KIAA1549L: variants seen among roughly 807,000 people sequenced by gnomAD.
KIAA1549L encodes the protein KIAA1549 like.
A neutral mutation model predicts 160.7 loss-of-function variants in KIAA1549L; 88 were observed. That is an observed-to-expected ratio of 0.55 (90% CI 0.46 to 0.65). The LOEUF (loss-of-function observed/expected upper bound fraction) is 0.65. KIAA1549L is among the 30% of genes least tolerant of loss of function. The probability of loss-of-function intolerance (pLI) is 0.00; values close to 1 mark genes in which losing one functional copy is unlikely to be tolerated. For synonymous variants in KIAA1549L, 950 were observed against 976.7 expected (o/e 0.97, Z 0.51); for missense variants, 2,258 against 2,437.5 (o/e 0.93, Z 1.55).
chr11:33,430,045 T>TCCTTCCTTCCTCCCTC (rs538132465), intron 1 of KIAA1549L, among the ~76,000 whole-genome samples: 18 of 129,000 alleles, frequency 1.4e-4, no homozygotes, highest in African/African-American at 3.6e-4. Context: ...CTTCCTTCCT[T>TCCTTCCTTCCTCCCTC]CCTCCCTTCC....
rs1850280876 is a variant in KIAA1549L, at chr11:33,598,892, C to T, written c.4824C>T (p.Pro1608=). ...AGCCCAGCTCAGGGAGACGCTCACC[C>T]CAGAATGTAATGGCACAGCAGAAAG... is the stretch of plus-strand genomic sequence containing the variant. The part of the protein sequence containing the change: ...SGKPSSGRRS[P]QNVMAQQKVT... Residue 1608 remains proline (P), a synonymous_variant, in exon 13 of 21, where the codon CCC becomes CCT. Transcript: ENST00000658780. 2.5e-6 allele frequency: 4 copies of T among 1,613,866 alleles called. No homozygotes were observed. In the East Asian group the frequency reaches 8.9e-5, roughly 36 times the overall value.
rs1470251957 is a variant in KIAA1549L at position 33,530,432 on chromosome 11, AAAAAATATATATATAT to A, written c.239-11368_239-11353del. 6.6e-3 allele frequency among the ~76,000 whole-genome samples: 68 copies of A among 10,308 alleles called. 1 individual carries two copies. Among genetic ancestry groups the A allele is most frequent in the East Asian group, 0.043 (21 of 486 alleles). 6.8% of individuals were successfully genotyped at this position (10,308 alleles called of 152,430 possible). A position where few individuals can be genotyped will look rare whatever the true frequency, so the allele number is the denominator to read the frequency against. ...GAAGAAGGAAAAAAAAAAAAAAAAA[AAAAAATATATATATAT>A]ATATATATATATATATATATATATA... On this transcript the variant is annotated intron_variant, in intron 1 of 20. Transcript: ENST00000658780.
chr11:33,673,612 A>G lies in KIAA1549L; in HGVS notation c.*5458A>G, dbSNP rs773577107. ...ATTTTGAGGAGCACATGCATAATGT[A>G]TCTGAAAATGGCTTGACAAGCACTT... On this transcript the variant is annotated 3_prime_UTR_variant, in exon 21 of 21. Coordinates refer to ENST00000658780, the MANE Select transcript of KIAA1549L (RefSeq NM_012194.3). 2 of 152,230 alleles carry G rather than the reference A, an allele frequency of 1.3e-5. No homozygotes were observed. The highest frequency in any genetic ancestry group is 2.4e-5 in the African/African-American group (1 of 41,456). The allele number at this position is 152,230 out of a possible 1,614,324, so 9.4% of individuals were successfully genotyped here. A position where few individuals can be genotyped will look rare whatever the true frequency, so the allele number is the denominator to read the frequency against.
chr11:33,379,899 T>C (rs1418318918), intron 1 of KIAA1549L, among the ~76,000 whole-genome samples: 7 of 152,086 alleles, frequency 4.6e-5, no homozygotes, highest in Admixed American at 4.6e-4. Context: ...GATACAGAGG[T>C]GAATAAGGAC....
intron 11 of KIAA1549L, among the ~76,000 whole-genome samples, chr11:33,587,097 A>C (rs1849906255): frequency 6.6e-6 from 1 of 152,210 alleles, no homozygotes; most frequent in South Asian, 2.1e-4. Context: ...GAGTGTTGTG[A>C]GGATTAAGTT....
At chr11:33,466,616 G>A (rs1852063707) in intron 1 of KIAA1549L, among the ~76,000 whole-genome samples, 1 of 152,094 alleles carries the variant, frequency 6.6e-6, no homozygotes, top group Non-Finnish European at 1.5e-5. Flanking sequence ...TCCTATTGCT[G>A]GCTATATACC....
intron 6 of KIAA1549L, among the ~76,000 whole-genome samples, chr11:33,556,066 T>C (rs1854637040): frequency 6.6e-6 from 1 of 152,206 alleles, no homozygotes; most frequent in Non-Finnish European, 1.5e-5. Flanking sequence ...CAAGATGCTC[T>C]GCGTCACTAA....
intron 1 of KIAA1549L, among the ~76,000 whole-genome samples, chr11:33,408,805 C>T (rs1376114085): frequency 6.8e-6 from 1 of 146,980 alleles, no homozygotes; most frequent in Non-Finnish European, 1.5e-5. Context: ...AAAAAATTAG[C>T]CGGACATAGT....
intron 16 of KIAA1549L, 62 bp downstream of exon 16, chr11:33,618,724 G>C: frequency 1.4e-6 from 2 of 1,380,214 alleles, no homozygotes; most frequent in Admixed American, 2.9e-5. Context: ...AAGGGGGATA[G>C]GGCATCCCAC....
intron 1 of KIAA1549L, among the ~76,000 whole-genome samples, chr11:33,481,333 C>T (rs1852407653): frequency 6.6e-6 from 1 of 152,122 alleles, no homozygotes. Flanking sequence ...CTCATTTTCA[C>T]TTTTGTTAAA....
chr11:33,523,009 G>A (rs1853532490), intron 1 of KIAA1549L, among the ~76,000 whole-genome samples: 2 of 152,162 alleles, frequency 1.3e-5, no homozygotes, highest in African/African-American at 4.8e-5. Context: ...ATGAGTTCAT[G>A]AATAAGCCTG....
At chr11:33,463,263 A>G (rs963905146) in intron 1 of KIAA1549L, among the ~76,000 whole-genome samples, 2 of 151,860 alleles carry the variant, frequency 1.3e-5, no homozygotes, top group African/African-American at 4.8e-5. Context: ...CTTTTTTCAC[A>G]CTCAATCCCA....
At chr11:33,444,398 G>A (rs1030261883) in intron 1 of KIAA1549L, among the ~76,000 whole-genome samples, 2 of 152,174 alleles carry the variant, frequency 1.3e-5, no homozygotes, top group Non-Finnish European at 2.9e-5. Context: ...AGTGGAAAAG[G>A]AAAAGTGTAC....
At chr11:33,575,303 G>T (rs1855409107) in intron 10 of KIAA1549L, among the ~76,000 whole-genome samples, 1 of 152,248 alleles carries the variant, frequency 6.6e-6, no homozygotes, top group Non-Finnish European at 1.5e-5. Context: ...CTTAATGCAG[G>T]TGCAGTGGCA....
At chr11:33,598,142 G>A (rs958794952) in intron 12 of KIAA1549L, among the ~76,000 whole-genome samples, 3 of 151,622 alleles carry the variant, frequency 2.0e-5, no homozygotes, top group Admixed American at 2.0e-4. Flanking sequence ...AAATCAAAAT[G>A]TTAAGTGGGT....
intron 1 of KIAA1549L, among the ~76,000 whole-genome samples, chr11:33,530,423 AAAAAAAAAAAAAAATATAT>A (rs1853716406): frequency 2.0e-4 from 3 of 14,838 alleles, no homozygotes; most frequent in African/African-American, 5.4e-4. Context: ...GGAAAAAAAA[AAAAAAAAAAAAAAATATAT>A]ATATATATAT....
intron 16 of KIAA1549L, among the ~76,000 whole-genome samples, chr11:33,630,951 T>G (rs1851269484): frequency 6.6e-6 from 1 of 152,162 alleles, no homozygotes; most frequent in South Asian, 2.1e-4. Context: ...ATGTATTAAT[T>G]TTCGTGCATG....
chr11:33,629,015 T>G (rs1483738666), intron 16 of KIAA1549L, among the ~76,000 whole-genome samples: 1 of 151,474 alleles, frequency 6.6e-6, no homozygotes, highest in African/African-American at 2.5e-5. Flanking sequence ...TGCTTGTCTG[T>G]AAAGTATTTT....
chr11:33,404,601 TAAAA>T (rs940510336), intron 1 of KIAA1549L, among the ~76,000 whole-genome samples: 1 of 150,852 alleles, frequency 6.6e-6, no homozygotes, highest in Non-Finnish European at 1.5e-5. Context: ...TGGAAAAAAA[TAAAA>T]AGAAAAAGAG....
Sources: allele counts gnomAD v4.1 joint callset (sites outside exome capture counted in the v4.1 genomes callset), GRCh38; gene constraint gnomAD v4.1.1; transcripts MANE v1.5; gene names NCBI Gene and HGNC (gene_info 2026-07-23, HGNC 2026-07-21).